ERC2: variants seen among roughly 807,000 people sequenced by gnomAD.
The protein encoded by ERC2 is ELKS/RAB6-interacting/CAST family member 2.
ERC2 carries 42 observed loss-of-function variants against 114.8 expected under a neutral mutation model. The ratio of observed to expected loss-of-function variants is 0.37; its 90% CI spans 0.29 to 0.47. The LOEUF (loss-of-function observed/expected upper bound fraction) is 0.47, where lower values mean the gene tolerates loss of function less well. Ranked by LOEUF, ERC2 falls within the 20% of genes least tolerant of loss-of-function variation. The pLI is 0.99. For missense variants in ERC2, 939 were observed against 1,150.7 expected (o/e 0.82, Z 2.66); for synonymous variants, 454 against 425.5 (o/e 1.07, Z -0.82).
At chr3:56,207,005 G>A (rs1278225391) in intron 3 of ERC2, among the ~76,000 whole-genome samples, 2 of 152,162 alleles carry the variant, frequency 1.3e-5, no homozygotes, top group Admixed American at 1.3e-4. Flanking sequence ...GGATGGAGAT[G>A]AGCAAAATAA....
At chr3:55,954,548 G>A (rs2149452928) in intron 12 of ERC2, among the ~76,000 whole-genome samples, 1 of 152,222 alleles carries the variant, frequency 6.6e-6, no homozygotes, top group Non-Finnish European at 1.5e-5. Flanking sequence ...GTTTGTCCAA[G>A]GGCATATGCA....
intron 14 of ERC2, among the ~76,000 whole-genome samples, chr3:55,778,417 A>G (rs1559640051): frequency 6.6e-6 from 1 of 152,310 alleles, no homozygotes. Flanking sequence ...CATGTATTTC[A>G]CTAGACATAA....
At chr3:56,357,260 C>T (rs1485895554) in intron 2 of ERC2, among the ~76,000 whole-genome samples, 4 of 152,370 alleles carry the variant, frequency 2.6e-5, no homozygotes, top group South Asian at 4.1e-4. Context: ...GCAACCTTTA[C>T]TGGGGGCCTG....
At chr3:56,189,649 T>C (rs974594493) in intron 3 of ERC2, among the ~76,000 whole-genome samples, 15 of 152,188 alleles carry the variant, frequency 9.9e-5, no homozygotes, top group African/African-American at 2.4e-4. Context: ...CCCTAGAGAA[T>C]TGCCTTCTGT....
chr3:55,529,657 T>G (rs1248148637), intron 17 of ERC2, among the ~76,000 whole-genome samples: 2 of 151,868 alleles, frequency 1.3e-5, no homozygotes, highest in Admixed American at 1.3e-4. Flanking sequence ...TGCAAAGGAG[T>G]GACAGGTGCA....
chr3:56,081,339 T>C (rs1259703274), intron 6 of ERC2, among the ~76,000 whole-genome samples: 2 of 152,054 alleles, frequency 1.3e-5, no homozygotes, highest in Non-Finnish European at 2.9e-5. Context: ...CCAGGGAGGA[T>C]AAAATACTGC....
At chr3:55,843,357 C>G (rs2061218809) in intron 14 of ERC2, among the ~76,000 whole-genome samples, 1 of 152,122 alleles carries the variant, frequency 6.6e-6, no homozygotes, top group Non-Finnish European at 1.5e-5. Flanking sequence ...TTAGTCTGTC[C>G]TAGATGGCCT....
At chr3:55,900,808 A>T (rs1417854832) in intron 13 of ERC2, among the ~76,000 whole-genome samples, 6 of 152,222 alleles carry the variant, frequency 3.9e-5, no homozygotes, top group Non-Finnish European at 7.3e-5. Flanking sequence ...GGGAGAAAAG[A>T]AGAAAAGGAG....
intron 3 of ERC2, among the ~76,000 whole-genome samples, chr3:56,198,430 C>T (rs994145933): frequency 2.0e-5 from 3 of 152,060 alleles, no homozygotes; most frequent in African/African-American, 7.2e-5. Context: ...GCTGGCCTGA[C>T]CTGAAGCAGG....
At chr3:56,400,723 G>C (rs2060488829) in intron 2 of ERC2, among the ~76,000 whole-genome samples, 1 of 152,122 alleles carries the variant, frequency 6.6e-6, no homozygotes, top group Non-Finnish European at 1.5e-5. Flanking sequence ...AAACTCTAAT[G>C]AATGACTTTG....
chr3:56,105,175 G>A (rs561461900), intron 6 of ERC2, among the ~76,000 whole-genome samples: 10 of 152,274 alleles, frequency 6.6e-5, no homozygotes, highest in Admixed American at 4.6e-4. Context: ...TGGAGTGAGT[G>A]AGGAGACAAT....
At chr3:55,535,338 C>T (rs1211017833) in intron 17 of ERC2, among the ~76,000 whole-genome samples, 1 of 152,158 alleles carries the variant, frequency 6.6e-6, no homozygotes, top group Non-Finnish European at 1.5e-5. Flanking sequence ...TGCATGACTG[C>T]CTTCCAAATT....
At chr3:55,570,439 A>G (rs1429459368) in intron 17 of ERC2, among the ~76,000 whole-genome samples, 1 of 152,132 alleles carries the variant, frequency 6.6e-6, no homozygotes, top group East Asian at 1.9e-4. Flanking sequence ...TGATGTGACA[A>G]AGTAACCTGA....
chr3:55,909,533 G>C (rs919078607), intron 13 of ERC2, among the ~76,000 whole-genome samples: 1 of 103,268 alleles, frequency 9.7e-6, no homozygotes, highest in African/African-American at 3.7e-5. Context: ...GACAGAAGGG[G>C]TTTGAAGTGC....
At chr3:55,690,534 G>A (rs1014890980) in intron 16 of ERC2, among the ~76,000 whole-genome samples, 8 of 152,032 alleles carry the variant, frequency 5.3e-5, no homozygotes, top group African/African-American at 1.9e-4. Context: ...GAGAGTGCAG[G>A]CTATGTCTGA....
At chr3:55,862,444 A>T (rs1575901096) in intron 14 of ERC2, among the ~76,000 whole-genome samples, 1 of 152,310 alleles carries the variant, frequency 6.6e-6, no homozygotes, top group African/African-American at 2.4e-5. Flanking sequence ...TGTGATGGCT[A>T]GAGCTGTGGC....
intron 3 of ERC2, among the ~76,000 whole-genome samples, chr3:56,273,108 AATG>A (rs1182141279): frequency 6.6e-6 from 1 of 152,058 alleles, no homozygotes; most frequent in East Asian, 1.9e-4. Context: ...CTGCTATTTA[AATG>A]ATTTCTTCCT....
At chr3:55,818,787 A>G (rs1414793159) in intron 14 of ERC2, among the ~76,000 whole-genome samples, 1 of 152,238 alleles carries the variant, frequency 6.6e-6, no homozygotes, top group Non-Finnish European at 1.5e-5. Context: ...CTCCAAACTC[A>G]CTACATAGAT....
intron 12 of ERC2, among the ~76,000 whole-genome samples, chr3:55,972,955 A>G (rs2069285554): frequency 6.6e-6 from 1 of 152,208 alleles, no homozygotes; most frequent in Non-Finnish European, 1.5e-5. Context: ...GAAGGCAAAC[A>G]CTGAATGGGG....
Sources: allele counts gnomAD v4.1 joint callset (sites outside exome capture counted in the v4.1 genomes callset), GRCh38; gene constraint gnomAD v4.1.1; transcripts MANE v1.5; gene names NCBI Gene and HGNC (gene_info 2026-07-23, HGNC 2026-07-21).